Variants in SCN7A observed in about 807,000 individuals in gnomAD.
SCN7A encodes the protein sodium channel protein type 7 subunit alpha.
SCN7A carries 138 observed loss-of-function variants against 155.2 expected under a neutral mutation model. That is an observed-to-expected ratio of 0.89 (90% confidence interval 0.77 to 1.02). The LOEUF is 1.02. Ranked by LOEUF, SCN7A falls within the 50% of genes least tolerant of loss-of-function variation. SCN7A has a pLI of 0.00. For synonymous variants in SCN7A, 693 were observed against 649.0 expected, an observed-to-expected ratio of 1.07 and a Z score of -1.03; for missense variants, 2,058 against 1,986.6, an observed-to-expected ratio of 1.04 and a Z score of -0.68.
At chr2:166,470,287 T>G (rs1702625486) in intron 7 of SCN7A, among the ~76,000 whole-genome samples, 1 of 151,900 alleles carries the variant, frequency 6.6e-6, no homozygotes, top group Non-Finnish European at 1.5e-5. Context: ...AGATTAGACA[T>G]CTGTCTAGAC....
At position 166,428,052 on chromosome 2, in the gene SCN7A, C is replaced by A. The variant is rs932390432; in HGVS notation, c.2699-110G>T. The A allele has an allele frequency of 3.0e-5, 33 of 1,096,546 alleles. No individual in the cohort carries two copies. The Admixed American group carries it at 8.0e-4, about 26-fold the overall frequency. 67.9% of individuals were successfully genotyped at this position (1,096,546 alleles called of 1,614,324 possible). On this transcript the variant is annotated intron_variant, in intron 17 of 25. Transcript: ENST00000643258. ...CAATTATTTATTTACAAATTCTAATCCAGGTTGTCTCTGATTTATAAACAT... is the reference window on the plus strand; with the variant it reads ...CAATTATTTATTTACAAATTCTAATACAGGTTGTCTCTGATTTATAAACAT...
In SCN7A at chr2:166,414,088, AAT is replaced by A. The variant is rs1219420464; in HGVS notation, c.3415-969_3415-968del. Among the ~76,000 whole-genome samples, 8 of 82,308 alleles carry A rather than the reference AAT, an allele frequency of 9.7e-5. 1 individual carries two copies. The highest frequency in any genetic ancestry group is 3.4e-4 in the South Asian group (1 of 2,906). The allele number at this position is 82,308 out of a possible 152,430, so 54.0% of individuals were successfully genotyped here. On this transcript the variant is annotated intron_variant, in intron 21 of 25. Transcript: ENST00000643258. Reference sequence around the variant, plus strand: ...TATATTATATATGTAAATATATGTAAATATATATAATATATTATATATAAATA... The same window carrying A: ...TATATTATATATGTAAATATATGTAAATATATAATATATTATATATAAATA...
At chr2:166,423,601 A>G (rs773650826) in intron 18 of SCN7A, among the ~76,000 whole-genome samples, 169 bp from the exon 19 acceptor site, 4 of 152,034 alleles carry the variant, frequency 2.6e-5, no homozygotes, top group Admixed American at 6.6e-5. Flanking sequence ...GACATAATCT[A>G]TAAGTATTAT....
Position 166,421,291 on chromosome 2 carries a change from A to G in SCN7A, c.3034T>C (p.Cys1012Arg). 1 of 1,493,616 alleles carries G rather than the reference A, an allele frequency of 6.7e-7. No individual in the cohort carries two copies. The highest frequency in any genetic ancestry group is 8.9e-7 in the Non-Finnish European group (1 of 1,120,522). 92.5% of individuals were successfully genotyped at this position (1,493,616 alleles called of 1,614,324 possible). A position where few individuals can be genotyped will look rare whatever the true frequency, so the allele number is the denominator to read the frequency against. Residue 1012 changes from cysteine to arginine, a missense_variant, in exon 20 of 26, where the codon TGT (cysteine) becomes CGT (arginine). Physicochemically the swap from Cys to Arg is radical, Grantham distance 180. Transcript: ENST00000643258. ...RLDFVVVIVF[C>R]LSLIGKTREE... ...CGAGTTTTGCCTATTAAGCTAAGAC[A>G]AAACACCTATATATTTTTTTTAAAA... is the stretch of plus-strand genomic sequence containing the variant.
chr2:166,420,574 A>G (rs1178542412), intron 20 of SCN7A, among the ~76,000 whole-genome samples: 1 of 152,044 alleles, frequency 6.6e-6, no homozygotes, highest in African/African-American at 2.4e-5. Flanking sequence ...GGTACAAAAG[A>G]TTGAACACCG....
intron 3 of SCN7A, among the ~76,000 whole-genome samples, chr2:166,477,056 G>A (rs1278681543): frequency 1.3e-5 from 2 of 151,814 alleles, no homozygotes; most frequent in African/African-American, 2.4e-5. Flanking sequence ...AATAACATAC[G>A]GGTTGTATTT....
chr2:166,480,771 T>C (rs753148307), intron 2 of SCN7A, among the ~76,000 whole-genome samples: 11 of 152,178 alleles, frequency 7.2e-5, no homozygotes, highest in Non-Finnish European at 1.5e-4. Context: ...GGACTAAAGA[T>C]TGTTTAACTT....
chr2:166,412,616 T>C lies in SCN7A; in HGVS notation c.3520A>G (p.Ile1174Val). The change falls in exon 23 of 26, where the codon ATC (isoleucine) becomes GTC (valine). Residue 1174 changes from isoleucine (I) to valine (V), a missense_variant. Coordinates refer to ENST00000643258, the MANE Select transcript of SCN7A (RefSeq NM_002976.4). ...EVNIYMYCYF[I>V]NFIIFGVFLP... ...AATACTCCAAATATAATAAAGTTGA[T>C]AAAGTAACAATACATGTAGATGTTG... is the stretch of plus-strand genomic sequence containing the variant. 6.6e-7 allele frequency: 1 copy of C among 1,524,400 alleles called. No individual in the cohort carries two copies. Among genetic ancestry groups the C allele is most frequent in the South Asian group, 1.3e-5 (1 of 75,744 alleles). The allele number at this position is 1,524,400 out of a possible 1,614,324, so 94.4% of individuals were successfully genotyped here. A position where few individuals can be genotyped will look rare whatever the true frequency, so the allele number is the denominator to read the frequency against.
chr2:166,439,055 G>GTGTGTATATATATATATATATA (rs375208870), intron 15 of SCN7A, among the ~76,000 whole-genome samples: 340 of 113,302 alleles, frequency 3.0e-3, no homozygotes, highest in Middle Eastern at 4.8e-3. Context: ...GTGTGTGTGT[G>GTGTGTATATATATATATATATA]TATATATATA....
In SCN7A at chr2:166,410,339, G is replaced by T; in HGVS notation, c.3607-15C>A. Reference sequence around the variant, plus strand: ...GAGCCTCCCAGGTAAAGAAAGGAAAGAAAAATATATTAAAATCACACTTAA... The same window carrying T: ...GAGCCTCCCAGGTAAAGAAAGGAAATAAAAATATATTAAAATCACACTTAA... On this transcript the variant is annotated splice_polypyrimidine_tract_variant and intron_variant, in intron 23 of 25. Transcript: ENST00000643258. 1 of 1,497,662 alleles carries T rather than the reference G, an allele frequency of 6.7e-7. No individual in the cohort carries two copies. The highest frequency in any genetic ancestry group is 9.0e-7 in the Non-Finnish European group (1 of 1,113,434). 92.8% of individuals were successfully genotyped at this position (1,497,662 alleles called of 1,614,324 possible). A position where few individuals can be genotyped will look rare whatever the true frequency, so the allele number is the denominator to read the frequency against.
intron 6 of SCN7A, 124 bp downstream of exon 6, chr2:166,472,193 T>C: frequency 2.3e-6 from 2 of 886,318 alleles, no homozygotes; most frequent in South Asian, 1.8e-5. Flanking sequence ...TGACCATAAC[T>C]TTGAAGTATT....
intron 6 of SCN7A, 95 bp from the exon 7 acceptor site, chr2:166,470,801 A>T: frequency 9.6e-7 from 1 of 1,037,558 alleles, no homozygotes; most frequent in East Asian, 2.8e-5. Flanking sequence ...TTTTAAAACC[A>T]TATATGCAAA....
intron 3 of SCN7A, among the ~76,000 whole-genome samples, chr2:166,475,992 C>A (rs1200441986): frequency 6.6e-6 from 1 of 151,886 alleles, no homozygotes; most frequent in Admixed American, 6.6e-5. Flanking sequence ...CAGCAGGGTA[C>A]TCAGAACTCT....
intron 13 of SCN7A, among the ~76,000 whole-genome samples, chr2:166,443,918 C>T (rs1019803362): frequency 5.9e-5 from 9 of 152,162 alleles, no homozygotes; most frequent in South Asian, 4.1e-4. Context: ...AATTGATCCT[C>T]GAAGAAAACA....
chr2:166,477,799 T>C (rs1327484073), intron 2 of SCN7A, 89 bp from the exon 3 acceptor site: 3 of 705,374 alleles, frequency 4.3e-6, no homozygotes, highest in Non-Finnish European at 6.6e-6. Context: ...ACCAGTAAAC[T>C]GAATGTATGC....
rs1470356253 is a variant in SCN7A at position 166,456,815 on chromosome 2, T to TAGATAG, written c.1290+54_1290+55insCTATCT. The TAGATAG allele has an allele frequency of 1.9e-4, 84 of 453,450 alleles. 2 individuals are homozygous for TAGATAG. The highest frequency in any genetic ancestry group is 8.0e-4 in the African/African-American group (24 of 29,924). The allele number at this position is 453,450 out of a possible 1,614,324, so 28.1% of individuals were successfully genotyped here. On this transcript the variant is annotated intron_variant, in intron 11 of 25. Coordinates refer to ENST00000643258, the MANE Select transcript of SCN7A (RefSeq NM_002976.4). ...GTTTCAAGACTAAAATATATATATATATATATATATATATAGATAGATAGA... is the reference window on the plus strand; with the variant it reads ...GTTTCAAGACTAAAATATATATATATAGATAGATATATATATATATAGATAGATAGA...
chr2:166,415,248 G>T (rs991922358), intron 21 of SCN7A, among the ~76,000 whole-genome samples: 2 of 145,816 alleles, frequency 1.4e-5, no homozygotes, highest in African/African-American at 5.1e-5. Flanking sequence ...TTCTTTGAGA[G>T]AGTGTCACAC....
intron 3 of SCN7A, among the ~76,000 whole-genome samples, chr2:166,475,088 A>G (rs1303500633): frequency 8.0e-6 from 1 of 124,246 alleles, no homozygotes; most frequent in African/African-American, 3.1e-5. Flanking sequence ...GTGTATATAT[A>G]TATACACATA....
At chr2:166,427,169 C>T (rs1528480) in intron 18 of SCN7A, among the ~76,000 whole-genome samples, 41,886 of 151,960 alleles carry the variant, frequency 0.28, 6,319 homozygotes, top group Non-Finnish European at 0.34. Context: ...CACAGAGTTC[C>T]ATTGGATGAT....
Sources: gnomAD v4.1 joint callset for allele counts (sites outside exome capture counted in the v4.1 genomes callset) on GRCh38, gnomAD v4.1.1 for gene constraint, MANE v1.5 for transcripts, NCBI Gene and HGNC (gene_info 2026-07-23, HGNC 2026-07-21) for gene names.